The following ZNF827 variants were observed in gnomAD, a reference collection of about 807,000 sequenced individuals.
The protein encoded by ZNF827 is zinc finger protein 827.
In ZNF827, 13 loss-of-function variants were observed where a neutral mutation model predicts 102.4. The ratio of observed to expected loss-of-function variants is 0.13; its 90% confidence interval spans 0.08 to 0.20. ZNF827 has a LOEUF of 0.20. ZNF827 is among the 10% of genes least tolerant of loss of function. The pLI, the probability that ZNF827 is intolerant of heterozygous loss-of-function variation, is 1.00. For synonymous variants in ZNF827, 523 were observed against 536.2 expected (o/e 0.98, Z 0.34); for missense variants, 1,103 against 1,344.4 (o/e 0.82, Z 2.81).
At chr4:145,891,757 C>T (rs1750623665) in intron 3 of ZNF827, among the ~76,000 whole-genome samples, 1 of 152,200 alleles carries the variant, frequency 6.6e-6, no homozygotes, top group Admixed American at 6.5e-5. Context: ...ATGCCTCCTA[C>T]ACGGTGTCTC....
chr4:145,807,865 A>G (rs1741632090), intron 8 of ZNF827, among the ~76,000 whole-genome samples: 1 of 152,130 alleles, frequency 6.6e-6, no homozygotes, highest in South Asian at 2.1e-4. Context: ...TTAGTATGAC[A>G]CCAGTGATGA....
At position 145,847,701 on chromosome 4, in the gene ZNF827, A is replaced by G. The variant is rs368800310; in HGVS notation, c.2221+1621T>C. ...CCCTACACTGACGGTCACAGCTGTC[A>G]ATGGCTTCTTTTAATATCTAGAAAA... On this transcript the variant is annotated intron_variant, in intron 6 of 14. Transcript: ENST00000508784. Among the ~76,000 whole-genome samples, 3 of 152,350 alleles carry G rather than the reference A, an allele frequency of 2.0e-5. No homozygotes were observed. In the East Asian group the frequency reaches 5.8e-4, roughly 29 times the overall value.
At chr4:145,837,360 GC>G (rs1336127514) in intron 7 of ZNF827, among the ~76,000 whole-genome samples, 1 of 152,058 alleles carries the variant, frequency 6.6e-6, no homozygotes, top group Non-Finnish European at 1.5e-5. Flanking sequence ...CAGAATTCAG[GC>G]CTGTCCTCAG....
At chr4:145,921,350 T>A (rs12641158) in intron 1 of ZNF827, among the ~76,000 whole-genome samples, 1 of 151,124 alleles carries the variant, frequency 6.6e-6, no homozygotes, top group African/African-American at 2.4e-5. Flanking sequence ...AGAAAATGCC[T>A]AAAAGATCTT....
At chr4:145,915,100 T>C (rs1752576282) in intron 1 of ZNF827, among the ~76,000 whole-genome samples, 1 of 152,186 alleles carries the variant, frequency 6.6e-6, no homozygotes, top group Non-Finnish European at 1.5e-5. Context: ...ACAGAAGGCA[T>C]CCTGTGCTGA....
At chr4:145,910,408 C>T (rs1752198470) in intron 1 of ZNF827, among the ~76,000 whole-genome samples, 1 of 152,132 alleles carries the variant, frequency 6.6e-6, no homozygotes, top group Non-Finnish European at 1.5e-5. Context: ...TCCATCCTTT[C>T]AATTACTTAG....
intron 7 of ZNF827, chr4:145,832,931 A>C (rs1212802465): frequency 1.3e-5 from 2 of 152,716 alleles, no homozygotes; most frequent in African/African-American, 4.8e-5. Flanking sequence ...GACTCAGCCC[A>C]CCTGCACCCA....
At chr4:145,832,680 C>T (rs1158521687) in intron 7 of ZNF827, 1 of 152,290 alleles carries the variant, frequency 6.6e-6, no homozygotes, top group Non-Finnish European at 1.5e-5. Context: ...CCTAGATGGC[C>T]TGAAGTAACT....
intron 5 of ZNF827, among the ~76,000 whole-genome samples, chr4:145,860,389 A>G (rs1427391117): frequency 6.6e-6 from 1 of 152,192 alleles, no homozygotes; most frequent in Non-Finnish European, 1.5e-5. Flanking sequence ...TGGTAGCAAA[A>G]ATAGGGGAAG....
Position 145,938,581 on chromosome 4 carries a change from C to T in ZNF827, c.-174G>A. ...ATGGGTTGAAGCTTGTTTCCTGGAG[C>T]CAGAAGAGGGGTTTTCTTCTTTTCT... is the stretch of plus-strand genomic sequence containing the variant. On this transcript the variant is annotated 5_prime_UTR_variant, in exon 1 of 15. Coordinates refer to ENST00000508784, the MANE Select transcript of ZNF827 (RefSeq NM_001306215.2). The T allele has an allele frequency of 1.8e-6, 1 of 544,998 alleles. No individual in the cohort carries two copies. 33.8% of individuals were successfully genotyped at this position (544,998 alleles called of 1,614,324 possible).
chr4:145,805,790 G>T (rs549596788), intron 8 of ZNF827, among the ~76,000 whole-genome samples: 4 of 151,812 alleles, frequency 2.6e-5, no homozygotes, highest in Non-Finnish European at 4.4e-5. Context: ...TGTCACTTCC[G>T]CGGTCAAGCT....
chr4:145,846,293 A>G (rs1478855645), intron 6 of ZNF827, among the ~76,000 whole-genome samples: 1 of 151,980 alleles, frequency 6.6e-6, no homozygotes, highest in Non-Finnish European at 1.5e-5. Flanking sequence ...CCTGGCTAAC[A>G]CAGTGAAACA....
At chr4:145,913,249 A>AACCGCATCCCT (rs1752420165) in intron 1 of ZNF827, among the ~76,000 whole-genome samples, 2 of 152,052 alleles carry the variant, frequency 1.3e-5, no homozygotes, top group African/African-American at 4.8e-5. Context: ...AATATGGTGA[A>AACCGCATCCCT]ACCGCATCTC....
intron 1 of ZNF827, among the ~76,000 whole-genome samples, chr4:145,926,307 A>C (rs1344254218): frequency 6.6e-6 from 1 of 152,216 alleles, no homozygotes; most frequent in Non-Finnish European, 1.5e-5. Flanking sequence ...CACAATTTTT[A>C]TCCACCCCCA....
intron 1 of ZNF827, among the ~76,000 whole-genome samples, chr4:145,936,955 C>A (rs1754225124): frequency 6.6e-6 from 1 of 151,952 alleles, no homozygotes; most frequent in Non-Finnish European, 1.5e-5. Context: ...TCTCCCCCGA[C>A]CCCTCCCTCC....
intron 5 of ZNF827, among the ~76,000 whole-genome samples, chr4:145,858,704 T>G (rs1012620996): frequency 6.7e-6 from 1 of 150,220 alleles, no homozygotes; most frequent in African/African-American, 2.4e-5. Context: ...TTCAGTAGAA[T>G]CCCTGCTACC....
intron 1 of ZNF827, among the ~76,000 whole-genome samples, chr4:145,903,473 G>A (rs1292108567): frequency 6.6e-6 from 1 of 152,226 alleles, no homozygotes; most frequent in African/African-American, 2.4e-5. Context: ...AAAGAAAAAT[G>A]GATCTGGTAA....
intron 7 of ZNF827, 81 bp downstream of exon 7, chr4:145,845,875 T>C (rs781634301): frequency 3.5e-6 from 5 of 1,434,222 alleles, no homozygotes; most frequent in Non-Finnish European, 4.9e-6. Context: ...AGAAAGAGGT[T>C]TGGGGAGCAA....
intron 8 of ZNF827, among the ~76,000 whole-genome samples, chr4:145,783,997 G>A (rs1026011503): frequency 4.6e-5 from 7 of 152,084 alleles, no homozygotes; most frequent in Admixed American, 3.3e-4. Context: ...GAGTTCTCAC[G>A]AGATCTGGTT....
Sources: allele counts gnomAD v4.1 joint callset (sites outside exome capture counted in the v4.1 genomes callset), GRCh38; gene constraint gnomAD v4.1.1; transcripts MANE v1.5; gene names NCBI Gene and HGNC (gene_info 2026-07-23, HGNC 2026-07-21).